PCDHA12: variants seen among roughly 807,000 people sequenced by gnomAD.
PCDHA12 encodes the protein protocadherin alpha 12, also known as protocadherin alpha-12.
Under a neutral mutation model 60.0 loss-of-function variants are expected in PCDHA12, and 44 were observed. The ratio of observed to expected loss-of-function variants is 0.73; its 90% CI spans 0.58 to 0.94. The LOEUF is 0.94. Among genes scored for constraint, PCDHA12 ranks in the 40% least tolerant of loss-of-function variants. PCDHA12 has a pLI of 0.00. For synonymous variants in PCDHA12, 569 were observed against 553.0 expected, an observed-to-expected ratio of 1.03 and a Z score of -0.40; for missense variants, 1,276 against 1,239.7, an observed-to-expected ratio of 1.03 and a Z score of -0.44.
intron 1 of PCDHA12, chr5:140,968,814 G>A: frequency 1.5e-5 from 24 of 1,614,232 alleles, no homozygotes; most frequent in Non-Finnish European, 1.9e-5. Context: ...GTGGTGGATA[G>A]GGTTTCCAAA....
At chr5:140,898,706 G>T (rs1554188200) in intron 1 of PCDHA12, among the ~76,000 whole-genome samples, 1 of 152,170 alleles carries the variant, frequency 6.6e-6, no homozygotes, top group Admixed American at 6.5e-5. Context: ...CTTTAAAGTA[G>T]TTTTTTCCAA....
chr5:140,875,993 T>C lies in PCDHA12; in HGVS notation c.521T>C (p.Leu174Pro), dbSNP rs574636926. 5 of 1,613,988 alleles carry C rather than the reference T, an allele frequency of 3.1e-6. No homozygotes were observed. The Admixed American group carries it at 6.7e-5, about 22-fold the overall frequency. The change falls in exon 1 of 4, where the codon CTA (leucine) becomes CCA (proline). Residue 174 changes from leucine (L) to proline (P), a missense_variant. Transcript: ENST00000398631. The stretch of plus-strand genomic sequence containing the variant: ...TCTCTTTTGACCTATGCGTTAAGTC[T>C]AAATGAGAATTTTGAGCTTAAAATA... ...VNSLLTYALS[L>P]NENFELKIKT...
intron 3 of PCDHA12, among the ~76,000 whole-genome samples, chr5:140,983,718 T>C (rs2097062684): frequency 6.6e-6 from 1 of 152,248 alleles, no homozygotes; most frequent in South Asian, 2.1e-4. Context: ...CTAGCACTTA[T>C]ATTCATAACA....
Position 140,882,982 on chromosome 5 carries a change from C to T in PCDHA12, c.2367+5143C>T, listed in dbSNP as rs139888237. 2.9e-5 allele frequency: 47 copies of T among 1,614,148 alleles called. No individual in the cohort carries two copies. The East Asian group carries it at 3.6e-4, about 12-fold the overall frequency. On this transcript the variant is annotated intron_variant, in intron 1 of 3. Coordinates refer to ENST00000398631, the MANE Select transcript of PCDHA12 (RefSeq NM_018903.4). The stretch of plus-strand genomic sequence containing the variant: ...TCACGATTCTGGACGTGAATGACAA[C>T]GCCCCGGAATTTTACCAATCCGTTT...
At chr5:140,917,876 C>CT (rs575141569) in intron 1 of PCDHA12, among the ~76,000 whole-genome samples, 41 of 147,132 alleles carry the variant, frequency 2.8e-4, no homozygotes, top group Admixed American at 1.6e-3. Context: ...TATTTGGGCT[C>CT]TTTTTTTTTT....
chr5:140,957,778 A>G (rs1554223119), intron 1 of PCDHA12, among the ~76,000 whole-genome samples: 4 of 152,122 alleles, frequency 2.6e-5, no homozygotes, highest in African/African-American at 9.7e-5. Context: ...AGTAAAAACT[A>G]AGTTCATCAT....
chr5:140,917,324 C>CGGGGG (rs1299895515), intron 1 of PCDHA12, among the ~76,000 whole-genome samples: 1 of 76,186 alleles, frequency 1.3e-5, no homozygotes, highest in Non-Finnish European at 2.9e-5. Flanking sequence ...GTTCATGTGG[C>CGGGGG]GGGGGAGGGG....
intron 1 of PCDHA12, among the ~76,000 whole-genome samples, chr5:140,956,122 A>T (rs1371284760): frequency 6.6e-6 from 1 of 152,116 alleles, no homozygotes; most frequent in Non-Finnish European, 1.5e-5. Context: ...CTCTCTTCCT[A>T]TTTGAATACC....
At chr5:140,982,041 A>C (rs1450726743) in intron 2 of PCDHA12, among the ~76,000 whole-genome samples, 2 of 152,268 alleles carry the variant, frequency 1.3e-5, no homozygotes, top group Non-Finnish European at 2.9e-5. Context: ...TCCAATTATC[A>C]GAAAATATTT....
chr5:140,900,437 C>T (rs1284375985), intron 1 of PCDHA12, among the ~76,000 whole-genome samples: 4 of 152,148 alleles, frequency 2.6e-5, no homozygotes, highest in African/African-American at 9.7e-5. Flanking sequence ...GCCACCACGG[C>T]CGGCTAATTT....
chr5:140,883,184 G>T (rs1341554668), intron 1 of PCDHA12: 10 of 1,613,756 alleles, frequency 6.2e-6, no homozygotes, highest in Non-Finnish European at 8.5e-6. Flanking sequence ...TAGGACAAAA[G>T]GCAAACTAGA....
At chr5:140,898,677 T>C (rs1197350501) in intron 1 of PCDHA12, among the ~76,000 whole-genome samples, 2 of 152,222 alleles carry the variant, frequency 1.3e-5, no homozygotes, top group Non-Finnish European at 2.9e-5. Flanking sequence ...TTGCGGGCTG[T>C]TTTTTGGTTC....
chr5:140,982,089 C>A (rs2096965506), intron 2 of PCDHA12, among the ~76,000 whole-genome samples: 1 of 152,220 alleles, frequency 6.6e-6, no homozygotes, highest in Non-Finnish European at 1.5e-5. Context: ...AACCTAGGAA[C>A]AAGAGAACCT....
At chr5:140,928,466 T>C in intron 1 of PCDHA12, 13 of 1,614,140 alleles carry the variant, frequency 8.1e-6, no homozygotes, top group Non-Finnish European at 1.1e-5. Context: ...CATTTCCAAG[T>C]AGAAGGCCGG....
At chr5:140,967,102 G>T (rs1279026258) in intron 1 of PCDHA12, 1 of 1,612,978 alleles carries the variant, frequency 6.2e-7, no homozygotes, top group African/African-American at 1.3e-5. Context: ...CGCTGTGTGA[G>T]CAGCGGCCTC....
At chr5:140,943,157 C>T (rs2093427609) in intron 1 of PCDHA12, among the ~76,000 whole-genome samples, 1 of 148,876 alleles carries the variant, frequency 6.7e-6, no homozygotes, top group South Asian at 2.1e-4. Context: ...ACTCTGGAGG[C>T]TGAGGCAGGA....
chr5:140,970,873 A>G (rs138100298), intron 1 of PCDHA12, among the ~76,000 whole-genome samples: 80 of 152,316 alleles, frequency 5.3e-4, no homozygotes, highest in African/African-American at 1.8e-3. Context: ...GATTGAGAGT[A>G]GATTTTTCTC....
chr5:140,916,227 C>T (rs1554197349), intron 1 of PCDHA12, among the ~76,000 whole-genome samples: 2 of 152,208 alleles, frequency 1.3e-5, no homozygotes, highest in African/African-American at 4.8e-5. Context: ...AATATGCTTT[C>T]CAGGAGCCAA....
chr5:140,884,113 G>A, intron 1 of PCDHA12: 2 of 1,613,388 alleles, frequency 1.2e-6, no homozygotes, highest in Non-Finnish European at 1.7e-6. Context: ...AGCTGGCGGC[G>A]GTCGGCGCGC....
Sources: allele counts gnomAD v4.1 joint callset (sites outside exome capture counted in the v4.1 genomes callset), GRCh38; gene constraint gnomAD v4.1.1; transcripts MANE v1.5; gene names NCBI Gene and HGNC (gene_info 2026-07-23, HGNC 2026-07-21).